Variants in WWP1 observed in about 807,000 individuals in gnomAD.
WWP1 encodes NEDD4-like E3 ubiquitin-protein ligase WWP1.
A neutral mutation model predicts 130.6 loss-of-function variants in WWP1; 49 were observed. The observed-to-expected ratio is 0.38, with a 90% CI of 0.30 to 0.48. The LOEUF is 0.48. WWP1 is among the 20% of genes least tolerant of loss of function. WWP1 has a pLI of 0.99. For synonymous variants in WWP1, 332 were observed against 367.8 expected (o/e 0.90, Z 1.11); for missense variants, 809 against 1,100.6 (o/e 0.74, Z 3.75).
At chr8:86,365,638 T>C (rs1023765752) in intron 1 of WWP1, among the ~76,000 whole-genome samples, 8 of 152,144 alleles carry the variant, frequency 5.3e-5, no homozygotes, top group African/African-American at 1.9e-4. Context: ...CAATCAGTGA[T>C]ATAGGGAGAG....
At chr8:86,464,027 C>T (rs1404278509) in intron 24 of WWP1, among the ~76,000 whole-genome samples, 3 of 151,970 alleles carry the variant, frequency 2.0e-5, no homozygotes, top group African/African-American at 7.3e-5. Context: ...CACCACTGCA[C>T]TCCAGTCTGG....
intron 1 of WWP1, among the ~76,000 whole-genome samples, chr8:86,351,765 G>C (rs1361033634): frequency 6.6e-6 from 1 of 152,188 alleles, no homozygotes; most frequent in Non-Finnish European, 1.5e-5. Flanking sequence ...ACCATCATTA[G>C]ATGAAATATT....
At position 86,342,627 on chromosome 8, in the gene WWP1, G is replaced by GGGCGCGGCGCCGGCGACGCGGC. The variant is rs1205581387; in HGVS notation, c.-417_-396dup. The GGGCGCGGCGCCGGCGACGCGGC allele has an allele frequency of 3.7e-5, 8 of 218,844 alleles. No homozygotes were observed. The highest frequency in any genetic ancestry group is 5.3e-5 in the Non-Finnish European group (6 of 113,028). 13.6% of individuals were successfully genotyped at this position (218,844 alleles called of 1,614,324 possible). A position where few individuals can be genotyped will look rare whatever the true frequency, so the allele number is the denominator to read the frequency against. On this transcript the variant is annotated 5_prime_UTR_variant, in exon 1 of 25. Transcript: ENST00000517970. ...GGGCCGGCGGGGAGGCGCGCGCTTA[G>GGGCGCGGCGCCGGCGACGCGGC]GGCGCGGCGCCGGCGACGCGGCCAC...
At chr8:86,356,784 A>G (rs958911069) in intron 1 of WWP1, among the ~76,000 whole-genome samples, 5 of 152,160 alleles carry the variant, frequency 3.3e-5, no homozygotes, top group African/African-American at 1.2e-4. Flanking sequence ...AAAGCTGTCA[A>G]TTTCATTTTG....
chr8:86,386,267 A>C (rs1319553020), intron 5 of WWP1, among the ~76,000 whole-genome samples: 2 of 152,096 alleles, frequency 1.3e-5, no homozygotes, highest in African/African-American at 2.4e-5. Flanking sequence ...ATTATTATGG[A>C]GAGTGTGTAA....
chr8:86,455,738 A>C (rs888219804), intron 21 of WWP1, among the ~76,000 whole-genome samples: 11 of 152,054 alleles, frequency 7.2e-5, no homozygotes, highest in African/African-American at 1.2e-4. Flanking sequence ...TGAACATCTC[A>C]GCAGAATTTT....
chr8:86,450,977 C>T (rs964399678), intron 20 of WWP1, among the ~76,000 whole-genome samples: 4 of 151,386 alleles, frequency 2.6e-5, no homozygotes, highest in Admixed American at 1.3e-4. Context: ...TTTGGGAGGC[C>T]GAGGTGGGTG....
intron 3 of WWP1, among the ~76,000 whole-genome samples, chr8:86,375,408 A>G (rs1586293446): frequency 6.6e-6 from 1 of 151,598 alleles, no homozygotes; most frequent in African/African-American, 2.4e-5. Context: ...CCATTTTCCC[A>G]CTTCTCTCCC....
In WWP1 at chr8:86,443,372, C is replaced by T. The variant is rs539567179; in HGVS notation, c.1998+594C>T. On this transcript the variant is annotated intron_variant, in intron 18 of 24. Coordinates refer to ENST00000517970, the MANE Select transcript of WWP1 (RefSeq NM_007013.4). ...TACAAATGTGAGCCACCACTCCCAG[C>T]CTACTTTTCAATAAAAGGAAAATCT... Among the ~76,000 whole-genome samples the T allele has an allele frequency of 1.1e-3, 161 of 152,270 alleles. 1 individual carries two copies. Among genetic ancestry groups the T allele is most frequent in the Non-Finnish European group, 1.9e-3 (130 of 68,028 alleles).
In WWP1 at chr8:86,380,773, A is replaced by C; in HGVS notation, c.118A>C (p.Ile40Leu). 6.2e-7 allele frequency: 1 copy of C among 1,612,896 alleles called. No individual in the cohort carries two copies. Among genetic ancestry groups the C allele is most frequent in the Admixed American group, 1.7e-5 (1 of 59,872 alleles). ...KRKKNWFGTA[I>L]YTEVVVDGEI... is the part of the protein sequence containing the mutation. ...AAAAAAGAACTGGTTCGGAACAGCA[A>C]TATATACAGAAGTAGTTGTAGATGG... The change falls in exon 4 of 25, where the codon ATA (isoleucine) becomes CTA (leucine). Residue 40 changes from isoleucine (I) to leucine (L), a missense_variant. Transcript: ENST00000517970.
chr8:86,439,797 C>CA, intron 17 of WWP1, among the ~76,000 whole-genome samples: 1 of 152,202 alleles, frequency 6.6e-6, no homozygotes, highest in Middle Eastern at 3.4e-3. Context: ...TATTGTTTAG[C>CA]AAAACATTTT....
intron 10 of WWP1, among the ~76,000 whole-genome samples, chr8:86,426,122 G>C (rs1052308226): frequency 2.0e-5 from 3 of 152,174 alleles, no homozygotes; most frequent in African/African-American, 7.2e-5. Context: ...TGACCCTACA[G>C]TGTTAAATGA....
chr8:86,398,395 G>A lies in WWP1; in HGVS notation c.388G>A (p.Ala130Thr), dbSNP rs1436294131. Residue 130 changes from alanine to threonine, a missense_variant, in exon 6 of 25, where the codon GCA (alanine) becomes ACA (threonine). Physicochemically the swap from Ala to Thr is moderately conservative, Grantham distance 58. Coordinates refer to ENST00000517970, the MANE Select transcript of WWP1 (RefSeq NM_007013.4). ...KLSLENKNGIAQTGELTVVLD... is the reference protein window; with the variant it reads ...KLSLENKNGITQTGELTVVLD... ...TTCCTTGGAAAACAAGAATGGCATA[G>A]CACAAACTGGTGAATTGACAGTTGT... 1 of 1,611,674 alleles carries A rather than the reference G, an allele frequency of 6.2e-7. No individual in the cohort carries two copies. The highest frequency in any genetic ancestry group is 1.1e-5 in the South Asian group (1 of 90,850).
At chr8:86,451,969 C>T (rs561075696) in intron 20 of WWP1, among the ~76,000 whole-genome samples, 6 of 152,260 alleles carry the variant, frequency 3.9e-5, no homozygotes, top group African/African-American at 1.4e-4. Flanking sequence ...AGGAAATCTT[C>T]GTGTTTTCCA....
intron 7 of WWP1, 56 bp downstream of exon 7, chr8:86,398,694 A>T (rs548448587): frequency 6.4e-7 from 1 of 1,574,516 alleles, no homozygotes; most frequent in African/African-American, 1.4e-5. Flanking sequence ...TATTTCCTGA[A>T]TAAGAAGTTT....
chr8:86,460,298 G>A (rs1295603564), intron 22 of WWP1, among the ~76,000 whole-genome samples: 1 of 152,192 alleles, frequency 6.6e-6, no homozygotes, highest in African/African-American at 2.4e-5. Flanking sequence ...TTTTCTGTAG[G>A]TTAAAGGGGA....
At chr8:86,386,650 T>C (rs1825305097) in intron 5 of WWP1, among the ~76,000 whole-genome samples, 1 of 152,186 alleles carries the variant, frequency 6.6e-6, no homozygotes, top group South Asian at 2.1e-4. Flanking sequence ...AGTGGAGGTA[T>C]AATTAATAAT....
At chr8:86,407,913 G>C (rs902804304) in intron 8 of WWP1, among the ~76,000 whole-genome samples, 1 of 152,206 alleles carries the variant, frequency 6.6e-6, no homozygotes, top group East Asian at 1.9e-4. Context: ...AAAGTCCATA[G>C]TTTACATTAC....
At position 86,402,088 on chromosome 8, in the gene WWP1, C is replaced by G; in HGVS notation, c.609C>G (p.Cys203Trp). Residue 203 changes from cysteine (C) to tryptophan (W), a missense_variant, in exon 8 of 25, where the codon TGC (cysteine) becomes TGG (tryptophan). By Grantham distance (215) the Cys-to-Trp change is radical (BLOSUM62 -2). This residue lies in a region of WWP1 where 262 missense variants were observed against 346.0 expected (regional missense o/e 0.76). Transcript: ENST00000517970. ...CAAGCACTCTAGTCCAAAACTCATG[C>G]TGCTCGTATGTAGTTAATGGAGACA... ...VPTSTLVQNS[C>W]CSYVVNGDNT... is the part of the protein sequence containing the mutation. The G allele has an allele frequency of 6.2e-7, 1 of 1,613,868 alleles. No individual in the cohort carries two copies. The highest frequency in any genetic ancestry group is 8.5e-7 in the Non-Finnish European group (1 of 1,179,934).
Sources: gnomAD v4.1 joint callset for allele counts (sites outside exome capture counted in the v4.1 genomes callset) on GRCh38, gnomAD v4.1.1 for gene constraint, gnomAD v4.1.1 regional missense constraint, MANE v1.5 for transcripts, NCBI Gene and HGNC (gene_info 2026-07-23, HGNC 2026-07-21) for gene names.